PCOLCE2: variants seen among roughly 807,000 people sequenced by gnomAD.
PCOLCE2 encodes the protein procollagen C-proteinase enhancer 2.
PCOLCE2 carries 42 observed loss-of-function variants against 47.0 expected under a neutral mutation model. The observed-to-expected ratio is 0.89, with a 90% CI of 0.70 to 1.16. The LOEUF (loss-of-function observed/expected upper bound fraction) is 1.16. PCOLCE2 is among the 50% of genes most tolerant of loss of function. The pLI is 0.00. For missense variants in PCOLCE2, 500 were observed against 526.1 expected, an observed-to-expected ratio of 0.95 and a Z score of 0.49; for synonymous variants, 169 against 191.7, an observed-to-expected ratio of 0.88 and a Z score of 0.98.
chr3:142,881,049 T>G (rs1033975046), intron 2 of PCOLCE2, among the ~76,000 whole-genome samples: 3 of 152,204 alleles, frequency 2.0e-5, no homozygotes, highest in Non-Finnish European at 4.4e-5. Flanking sequence ...CTGTTACCAA[T>G]TCTCTTGTCT....
At chr3:142,876,515 C>A (rs1265249770) in intron 2 of PCOLCE2, among the ~76,000 whole-genome samples, 1 of 152,108 alleles carries the variant, frequency 6.6e-6, no homozygotes, top group Admixed American at 6.5e-5. Context: ...TAATAATGTA[C>A]TCTTATTTGT....
At position 142,829,841 on chromosome 3, in the gene PCOLCE2, AT is replaced by A. The variant is rs1225098513; in HGVS notation, c.715del (p.Ile239LeufsTer16). The A allele has an allele frequency of 2.7e-5, 43 of 1,564,642 alleles. No homozygotes were observed. The highest frequency in any genetic ancestry group is 3.6e-5 in the Non-Finnish European group (41 of 1,152,254). On this transcript the variant is annotated frameshift_variant, in exon 6 of 9. Transcript: ENST00000295992. LOFTEE classifies it high-confidence loss of function. ...KYCGDSPPAP[I>X]VSERNELLIQ... is the part of the protein sequence containing the mutation. ...AAGAAGTTCATTTCTCTCAGACACA[AT>A]TGGCCTAAAAAAAGAAAAATGTGTT... is the stretch of plus-strand genomic sequence containing the variant.
intron 5 of PCOLCE2, among the ~76,000 whole-genome samples, chr3:142,831,895 G>A (rs1020458652): frequency 6.6e-6 from 1 of 152,150 alleles, no homozygotes; most frequent in Non-Finnish European, 1.5e-5. Context: ...TTGTTCTGCT[G>A]CAACTGAGCT....
chr3:142,869,082 G>A (rs1157465107), intron 2 of PCOLCE2, among the ~76,000 whole-genome samples: 1 of 152,070 alleles, frequency 6.6e-6, no homozygotes, highest in African/African-American at 2.4e-5. Context: ...ACGAGGTCAG[G>A]AGATCGAGAC....
At chr3:142,840,813 C>T (rs1178666568) in intron 4 of PCOLCE2, among the ~76,000 whole-genome samples, 3 of 152,102 alleles carry the variant, frequency 2.0e-5, no homozygotes, top group Admixed American at 6.5e-5. Flanking sequence ...TGGTGGCTCA[C>T]GCCTGTAATC....
At chr3:142,838,158 C>A (rs1478075680) in intron 5 of PCOLCE2, among the ~76,000 whole-genome samples, 2 of 152,126 alleles carry the variant, frequency 1.3e-5, no homozygotes, top group Admixed American at 1.3e-4. Context: ...GTATCACCAG[C>A]TCTACTTGTT....
chr3:142,836,893 A>T lies in PCOLCE2; in HGVS notation c.710+1877T>A, dbSNP rs150682170. On this transcript the variant is annotated intron_variant, in intron 5 of 8. Transcript: ENST00000295992. ...GACATAGATTAATGTGTTGGCTTTC[A>T]ATAGGGTGTGTAGTCCCCAACAATG... Among the ~76,000 whole-genome samples, 3 of 152,330 alleles carry T rather than the reference A, an allele frequency of 2.0e-5. No individual in the cohort carries two copies. The East Asian group carries it at 5.8e-4, about 29-fold the overall frequency.
At position 142,823,586 on chromosome 3, in the gene PCOLCE2, G is replaced by A; in HGVS notation, c.895C>T (p.Gln299Ter). ...AGAGTCCCCGTCCGTCTACACTTTT[G>A]TTGACACAAGGCCACGGTGGGTTTT... is the stretch of plus-strand genomic sequence containing the variant. ...GLKPTVALCQ[Q>*]KCRRTGTLEG... Residue 299 changes from glutamine to a stop codon, truncating the protein, a stop_gained, in exon 7 of 9, where the codon CAA becomes TAA. Transcript: ENST00000295992. LOFTEE classifies it high-confidence loss of function. 6.2e-7 allele frequency: 1 copy of A among 1,609,840 alleles called. No homozygotes were observed. Among genetic ancestry groups the A allele is most frequent in the Non-Finnish European group, 8.5e-7 (1 of 1,176,422 alleles).
At chr3:142,820,161 G>A (rs899040210) in intron 8 of PCOLCE2, among the ~76,000 whole-genome samples, 1 of 150,538 alleles carries the variant, frequency 6.6e-6, no homozygotes, top group Non-Finnish European at 1.5e-5. Context: ...GCCTGATCTC[G>A]AACTTCTGGG....
intron 3 of PCOLCE2, among the ~76,000 whole-genome samples, chr3:142,844,171 C>T (rs929208629): frequency 1.3e-5 from 2 of 152,168 alleles, no homozygotes; most frequent in African/African-American, 4.8e-5. Flanking sequence ...GTGTAAACCA[C>T]ACTCCTATGA....
intron 2 of PCOLCE2, among the ~76,000 whole-genome samples, chr3:142,864,799 T>G (rs1933249088): frequency 6.6e-6 from 1 of 152,228 alleles, no homozygotes. Context: ...TCACTTAGCA[T>G]AGTGTCTCTG....
In PCOLCE2 at chr3:142,842,367, T is replaced by G. The variant is rs1937272630; in HGVS notation, c.573+557A>C. Among the ~76,000 whole-genome samples the G allele has an allele frequency of 6.6e-6, 1 of 152,206 alleles. No individual in the cohort carries two copies. Among genetic ancestry groups the G allele is most frequent in the Non-Finnish European group, 1.5e-5 (1 of 68,034 alleles). ...AATCCTATGTGAGATCTGCTTACCA[T>G]TTGTATTTTTAAAACTGTTTTGAAA... On this transcript the variant is annotated intron_variant, in intron 4 of 8. Transcript: ENST00000295992. This position sits in a 1 kb window ranked among gnomAD's most constrained non-coding sequence, Gnocchi z 4.1.
intron 6 of PCOLCE2, 78 bp from the exon 7 acceptor site, chr3:142,823,693 T>A: frequency 1.2e-6 from 1 of 805,202 alleles, no homozygotes; most frequent in Non-Finnish European, 2.1e-6. Flanking sequence ...TCTACCCATT[T>A]AAAATTATCA....
At chr3:142,835,020 T>C (rs1486867310) in intron 5 of PCOLCE2, among the ~76,000 whole-genome samples, 1 of 152,166 alleles carries the variant, frequency 6.6e-6, no homozygotes, top group Non-Finnish European at 1.5e-5. Context: ...TGTCCATTTT[T>C]GCTTGAAAAA....
chr3:142,875,604 G>A (rs1487909467), intron 2 of PCOLCE2, among the ~76,000 whole-genome samples: 3 of 152,160 alleles, frequency 2.0e-5, no homozygotes, highest in African/African-American at 7.2e-5. Flanking sequence ...ACTCTGAACA[G>A]ACCGATGAAG....
At chr3:142,871,260 A>G (rs951871997) in intron 2 of PCOLCE2, among the ~76,000 whole-genome samples, 6 of 152,094 alleles carry the variant, frequency 3.9e-5, no homozygotes, top group Non-Finnish European at 7.4e-5. Context: ...CCAAGCCCTC[A>G]TTATCTCTCA....
At chr3:142,845,882 C>CA (rs1010710794) in intron 3 of PCOLCE2, among the ~76,000 whole-genome samples, 59 of 152,122 alleles carry the variant, frequency 3.9e-4, no homozygotes, top group African/African-American at 1.3e-3. Flanking sequence ...GGTTGAGGCA[C>CA]AAAAATCGCT....
rs777275420 is a variant in PCOLCE2 at position 142,888,946 on chromosome 3, A to C, written c.-50T>G. The C allele has an allele frequency of 1.2e-6, 1 of 853,358 alleles. No homozygotes were observed. Among genetic ancestry groups the C allele is most frequent in the East Asian group, 3.4e-5 (1 of 29,842 alleles). The allele number at this position is 853,358 out of a possible 1,614,324, so 52.9% of individuals were successfully genotyped here. A position where few individuals can be genotyped will look rare whatever the true frequency, so the allele number is the denominator to read the frequency against. Reference sequence around the variant, plus strand: ...CACCCCACGGCGCGCGCGCCGGCACACACGCCCCTCCGCACCCACCGCGCT... The same window carrying C: ...CACCCCACGGCGCGCGCGCCGGCACCCACGCCCCTCCGCACCCACCGCGCT... On this transcript the variant is annotated 5_prime_UTR_variant, in exon 1 of 9. Coordinates refer to ENST00000295992, the MANE Select transcript of PCOLCE2 (RefSeq NM_013363.4).
intron 3 of PCOLCE2, among the ~76,000 whole-genome samples, chr3:142,845,285 C>T (rs1026548288): frequency 3.9e-5 from 6 of 152,138 alleles, no homozygotes; most frequent in African/African-American, 1.2e-4. Context: ...TTGTACTTCA[C>T]GTGTTGTATA....
Sources: gnomAD v4.1 joint callset for allele counts (sites outside exome capture counted in the v4.1 genomes callset) on GRCh38, gnomAD v4.1.1 for gene constraint, Gnocchi (gnomAD v3.1) non-coding constraint, MANE v1.5 for transcripts, NCBI Gene and HGNC (gene_info 2026-07-23, HGNC 2026-07-21) for gene names.